TACR1: variants seen among roughly 807,000 people sequenced by gnomAD.
The protein encoded by TACR1 is tachykinin receptor 1, also known as substance-P receptor.
Under a neutral mutation model 35.8 loss-of-function variants are expected in TACR1, and 25 were observed. The observed-to-expected ratio is 0.70, with a 90% CI of 0.51 to 0.98. TACR1 has a LOEUF of 0.98. Ranked by LOEUF, TACR1 falls within the 50% of genes least tolerant of loss-of-function variation. The probability of loss-of-function intolerance (pLI) is 0.00; values close to 1 mark genes in which losing one functional copy is unlikely to be tolerated. For missense variants in TACR1, 478 were observed against 522.9 expected (o/e 0.91, Z 0.84); for synonymous variants, 195 against 206.7 (o/e 0.94, Z 0.48).
chr2:75,166,261 G>C (rs1675141038), intron 1 of TACR1, among the ~76,000 whole-genome samples: 1 of 152,156 alleles, frequency 6.6e-6, no homozygotes, highest in South Asian at 2.1e-4. Flanking sequence ...ATCCATTTTT[G>C]ATAAAATCTC....
intron 1 of TACR1, among the ~76,000 whole-genome samples, chr2:75,192,795 G>C (rs1183447947): frequency 6.6e-6 from 1 of 152,268 alleles, no homozygotes; most frequent in East Asian, 1.9e-4. Context: ...ATCCTCATTG[G>C]CATGATGAAG....
intron 2 of TACR1, among the ~76,000 whole-genome samples, chr2:75,080,925 G>A (rs564346829): frequency 1.3e-5 from 2 of 151,890 alleles, no homozygotes; most frequent in East Asian, 1.9e-4. Flanking sequence ...GAAGGAAGCC[G>A]TGGGTAGAAA....
At chr2:75,189,631 G>T (rs1310363203) in intron 1 of TACR1, 1 of 152,222 alleles carries the variant, frequency 6.6e-6, no homozygotes, top group Non-Finnish European at 1.5e-5. Context: ...AGGAGAACCT[G>T]AATTTATCAG....
chr2:75,096,337 C>T (rs954858945), intron 2 of TACR1, among the ~76,000 whole-genome samples: 2 of 152,160 alleles, frequency 1.3e-5, no homozygotes, highest in Non-Finnish European at 2.9e-5. Context: ...AGTGGAGGCT[C>T]CTTAGAACTC....
At chr2:75,115,337 T>G (rs973384429) in intron 2 of TACR1, among the ~76,000 whole-genome samples, 1 of 152,176 alleles carries the variant, frequency 6.6e-6, no homozygotes, top group African/African-American at 2.4e-5. Context: ...AGCTTGATGA[T>G]ATACTTTGCT....
At chr2:75,070,870 G>T (rs914207098) in intron 2 of TACR1, among the ~76,000 whole-genome samples, 1 of 152,120 alleles carries the variant, frequency 6.6e-6, no homozygotes, top group African/African-American at 2.4e-5. Context: ...CTATGGCAGG[G>T]GCCGCAAACT....
intron 2 of TACR1, among the ~76,000 whole-genome samples, chr2:75,055,890 G>A (rs1458019627): frequency 1.1e-4 from 17 of 152,212 alleles, no homozygotes. Flanking sequence ...AAGAGATGCC[G>A]ATGTTGCTGT....
At chr2:75,153,860 C>T (rs1000164140) in intron 1 of TACR1, among the ~76,000 whole-genome samples, 1 of 152,148 alleles carries the variant, frequency 6.6e-6, no homozygotes, top group African/African-American at 2.4e-5. Flanking sequence ...TCCAGGTCAT[C>T]AGTGTACTCT....
intron 2 of TACR1, among the ~76,000 whole-genome samples, chr2:75,101,118 T>G (rs576897975): frequency 6.6e-6 from 1 of 152,094 alleles, no homozygotes; most frequent in South Asian, 2.1e-4. Flanking sequence ...GACAAGTTGA[T>G]TATTCACTGA....
At chr2:75,060,709 T>C (rs1030683927) in intron 2 of TACR1, among the ~76,000 whole-genome samples, 4 of 152,200 alleles carry the variant, frequency 2.6e-5, no homozygotes, top group Non-Finnish European at 5.9e-5. Flanking sequence ...ATACTTGTGC[T>C]CTGGCAATAG....
At chr2:75,107,779 T>C (rs1673677938) in intron 2 of TACR1, among the ~76,000 whole-genome samples, 1 of 151,880 alleles carries the variant, frequency 6.6e-6, no homozygotes, top group Non-Finnish European at 1.5e-5. Flanking sequence ...ATGAACTGAG[T>C]ATTAAAATAA....
At chr2:75,167,931 C>T (rs552892836) in intron 1 of TACR1, among the ~76,000 whole-genome samples, 2 of 152,124 alleles carry the variant, frequency 1.3e-5, no homozygotes, top group Non-Finnish European at 2.9e-5. Flanking sequence ...AAAATTGAAG[C>T]AGATACATGG....
intron 2 of TACR1, among the ~76,000 whole-genome samples, chr2:75,119,319 C>T (rs1057153609): frequency 6.6e-6 from 1 of 152,174 alleles, no homozygotes; most frequent in Admixed American, 6.5e-5. Flanking sequence ...TCTATTATCT[C>T]TCATTTTAAT....
chr2:75,126,276 T>C (rs1674070203), intron 1 of TACR1, among the ~76,000 whole-genome samples: 1 of 152,214 alleles, frequency 6.6e-6, no homozygotes, highest in African/African-American at 2.4e-5. Context: ...GGAAGAATTA[T>C]ATATATAGTA....
At position 75,078,649 on chromosome 2, in the gene TACR1, T is replaced by C. The variant is rs554823369; in HGVS notation, c.585-24894A>G. On this transcript the variant is annotated intron_variant, in intron 2 of 4. Transcript: ENST00000305249. ...ATCATTTGTGCCATTTCCAACATCA[T>C]GGGGGTAGAACAAACACGAAACTGT... Among the ~76,000 whole-genome samples, 16 of 152,292 alleles carry C rather than the reference T, an allele frequency of 1.1e-4. No homozygotes were observed. The South Asian group carries it at 2.9e-3, about 28-fold the overall frequency.
intron 2 of TACR1, among the ~76,000 whole-genome samples, chr2:75,070,093 T>C (rs1482856157): frequency 6.6e-6 from 1 of 152,188 alleles, no homozygotes; most frequent in Non-Finnish European, 1.5e-5. Flanking sequence ...TATATCAGTA[T>C]GGACTCATGA....
intron 1 of TACR1, chr2:75,154,249 C>G (rs1204669602): frequency 6.6e-6 from 1 of 151,972 alleles, no homozygotes; most frequent in Non-Finnish European, 1.5e-5. Flanking sequence ...TTCTGAAAAT[C>G]CCAAACAACA....
chr2:75,088,650 C>G (rs1351701530), intron 2 of TACR1, among the ~76,000 whole-genome samples: 1 of 152,086 alleles, frequency 6.6e-6, no homozygotes, highest in Non-Finnish European at 1.5e-5. Flanking sequence ...GGGGGCATTT[C>G]TCTGTCCTCT....
chr2:75,053,360 G>A (rs1672507536), intron 3 of TACR1, among the ~76,000 whole-genome samples: 1 of 152,224 alleles, frequency 6.6e-6, no homozygotes. Flanking sequence ...GCGTGTGTGT[G>A]TGTGTGTTTT....
Sources: allele counts gnomAD v4.1 joint callset (sites outside exome capture counted in the v4.1 genomes callset), GRCh38; gene constraint gnomAD v4.1.1; transcripts MANE v1.5; gene names NCBI Gene and HGNC (gene_info 2026-07-23, HGNC 2026-07-21).